GRM8: variants seen among roughly 807,000 people sequenced by gnomAD.
GRM8 encodes metabotropic glutamate receptor 8.
GRM8 carries 47 observed loss-of-function variants against 87.2 expected under a neutral mutation model. The ratio of observed to expected loss-of-function variants is 0.54; its 90% CI spans 0.43 to 0.69. The LOEUF (loss-of-function observed/expected upper bound fraction) is 0.69, where lower values mean the gene tolerates loss of function less well. Among genes scored for constraint, GRM8 ranks in the 30% least tolerant of loss-of-function variants. GRM8 has a pLI of 0.00. For missense variants in GRM8, 1,019 were observed against 1,139.2 expected (o/e 0.89, Z 1.52); for synonymous variants, 396 against 404.5 (o/e 0.98, Z 0.25).
At chr7:127,069,452 C>T (rs1821464958) in intron 3 of GRM8, among the ~76,000 whole-genome samples, 2 of 152,082 alleles carry the variant, frequency 1.3e-5, no homozygotes, top group African/African-American at 4.8e-5. Flanking sequence ...GCATAAGCCA[C>T]TGTGCCTGGC....
At chr7:127,221,418 C>A (rs1239999402) in intron 2 of GRM8, among the ~76,000 whole-genome samples, 1 of 152,106 alleles carries the variant, frequency 6.6e-6, no homozygotes, top group Admixed American at 6.5e-5. Flanking sequence ...TCGAGAGAAC[C>A]ACTCTTGGGT....
chr7:126,901,071 TATC>T, intron 6 of GRM8, among the ~76,000 whole-genome samples: 1 of 152,316 alleles, frequency 6.6e-6, no homozygotes, highest in South Asian at 2.1e-4. Context: ...GGCTCCAGAC[TATC>T]ATCAAAGCCT....
chr7:126,720,338 G>T (rs974711936), intron 7 of GRM8, among the ~76,000 whole-genome samples: 1 of 151,736 alleles, frequency 6.6e-6, no homozygotes, highest in Non-Finnish European at 1.5e-5. Context: ...TAGAGACAGG[G>T]TCTATGTGGC....
intron 8 of GRM8, among the ~76,000 whole-genome samples, chr7:126,554,276 C>A (rs1171432550): frequency 6.6e-6 from 1 of 151,710 alleles, no homozygotes; most frequent in Non-Finnish European, 1.5e-5. Flanking sequence ...AATAATAAAT[C>A]AAGCAAAAGG....
At chr7:126,835,925 A>C (rs959576488) in intron 6 of GRM8, among the ~76,000 whole-genome samples, 1 of 152,236 alleles carries the variant, frequency 6.6e-6, no homozygotes, top group Non-Finnish European at 1.5e-5. Context: ...CTTGTTCAAC[A>C]TCTAGATATA....
intron 2 of GRM8, chr7:127,229,295 C>T (rs1797536934): frequency 6.6e-6 from 1 of 152,178 alleles, no homozygotes; most frequent in African/African-American, 2.4e-5. Flanking sequence ...AAGGAGCTGA[C>T]AGATGGGGCA....
chr7:126,670,630 T>G (rs1806273797), intron 7 of GRM8, among the ~76,000 whole-genome samples: 1 of 152,184 alleles, frequency 6.6e-6, no homozygotes, highest in Admixed American at 6.5e-5. Flanking sequence ...AAATACAGGC[T>G]TCTGATAACT....
chr7:126,467,109 A>T (rs1461976578), intron 9 of GRM8, among the ~76,000 whole-genome samples: 6 of 152,048 alleles, frequency 3.9e-5, no homozygotes, highest in South Asian at 4.1e-4. Context: ...CCCATCATCT[A>T]CATTAAGTAT....
rs184839922 is a variant in GRM8, at chr7:126,718,193, C to T, written c.1357+51672G>A. Among the ~76,000 whole-genome samples, 336 of 152,112 alleles carry T rather than the reference C, an allele frequency of 2.2e-3. 1 individual carries two copies. Among genetic ancestry groups the T allele is most frequent in the African/African-American group, 6.9e-3 (286 of 41,508 alleles). ...GGGAGCTTGCAGTGAGCCGAGATCA[C>T]GCCACTGCACTCAGTGTGACAGAGT... On this transcript the variant is annotated intron_variant, in intron 7 of 10. Coordinates refer to ENST00000339582, the MANE Select transcript of GRM8 (RefSeq NM_000845.3).
intron 7 of GRM8, among the ~76,000 whole-genome samples, chr7:126,709,100 G>T (rs946881732): frequency 2.6e-5 from 4 of 151,948 alleles, no homozygotes; most frequent in Non-Finnish European, 5.9e-5. Flanking sequence ...CAAATAAAAA[G>T]TTTTGAAAAA....
intron 6 of GRM8, among the ~76,000 whole-genome samples, chr7:126,854,925 T>G (rs1230207994): frequency 6.6e-6 from 1 of 152,200 alleles, no homozygotes; most frequent in Non-Finnish European, 1.5e-5. Flanking sequence ...CTTTATTTCT[T>G]TCTCTTGTCT....
At chr7:126,468,730 A>T (rs1306915337) in intron 9 of GRM8, among the ~76,000 whole-genome samples, 1 of 152,108 alleles carries the variant, frequency 6.6e-6, no homozygotes, top group East Asian at 1.9e-4. Context: ...TCTATTGCAA[A>T]AGTGCTAAAA....
At chr7:126,526,490 A>G (rs1231207708) in intron 9 of GRM8, among the ~76,000 whole-genome samples, 1 of 152,222 alleles carries the variant, frequency 6.6e-6, no homozygotes, top group Non-Finnish European at 1.5e-5. Flanking sequence ...CAGAGAATTC[A>G]AACTGTTTGT....
intron 8 of GRM8, among the ~76,000 whole-genome samples, chr7:126,608,027 C>A (rs1289999224): frequency 6.6e-6 from 1 of 152,002 alleles, no homozygotes; most frequent in African/African-American, 2.4e-5. Context: ...GTGCTCCATA[C>A]TTCTCTATAC....
At chr7:126,640,391 G>A (rs2151200851) in intron 7 of GRM8, among the ~76,000 whole-genome samples, 1 of 152,068 alleles carries the variant, frequency 6.6e-6, no homozygotes, top group South Asian at 2.1e-4. Flanking sequence ...TCAAACTGAG[G>A]GAAAACAAAG....
intron 7 of GRM8, among the ~76,000 whole-genome samples, chr7:126,703,868 G>C (rs1190424455): frequency 6.6e-6 from 1 of 152,096 alleles, no homozygotes; most frequent in African/African-American, 2.4e-5. Flanking sequence ...GGCCACCAAA[G>C]CACCTCTTTC....
intron 9 of GRM8, among the ~76,000 whole-genome samples, chr7:126,479,429 T>G (rs1806392941): frequency 6.6e-6 from 1 of 152,106 alleles, no homozygotes; most frequent in Non-Finnish European, 1.5e-5. Flanking sequence ...TATGTCTCTG[T>G]GTATCTGCCT....
At chr7:126,927,334 A>T (rs1351484422) in intron 3 of GRM8, among the ~76,000 whole-genome samples, 2 of 151,986 alleles carry the variant, frequency 1.3e-5, no homozygotes, top group African/African-American at 2.4e-5. Context: ...ACAAGGTCTC[A>T]CTATGTCGAC....
At chr7:126,806,871 C>T (rs903564855) in intron 6 of GRM8, among the ~76,000 whole-genome samples, 1 of 152,208 alleles carries the variant, frequency 6.6e-6, no homozygotes, top group Non-Finnish European at 1.5e-5. Context: ...AGCTCCCACC[C>T]GCGCGTCTCC....
Sources: gnomAD v4.1 joint callset for allele counts (sites outside exome capture counted in the v4.1 genomes callset) on GRCh38, gnomAD v4.1.1 for gene constraint, MANE v1.5 for transcripts, NCBI Gene and HGNC (gene_info 2026-07-23, HGNC 2026-07-21) for gene names.